The following LUZP2 variants were observed in gnomAD, a reference collection of about 807,000 sequenced individuals.
LUZP2 encodes the protein leucine zipper protein 2.
Under a neutral mutation model 51.6 loss-of-function variants are expected in LUZP2, and 52 were observed. That is an observed-to-expected ratio of 1.01 (90% confidence interval 0.81 to 1.27). The LOEUF (loss-of-function observed/expected upper bound fraction) is 1.27, where lower values mean the gene tolerates loss of function less well. Ranked by LOEUF, LUZP2 falls within the 50% of genes most tolerant of loss-of-function variation. The pLI, the probability that LUZP2 is intolerant of heterozygous loss-of-function variation, is 0.00. For synonymous variants in LUZP2, 154 were observed against 137.3 expected, an observed-to-expected ratio of 1.12 and a Z score of -0.85; for missense variants, 436 against 395.4, an observed-to-expected ratio of 1.10 and a Z score of -0.87.
intron 9 of LUZP2, among the ~76,000 whole-genome samples, chr11:25,013,892 C>T (rs966272354): frequency 6.6e-6 from 1 of 152,028 alleles, no homozygotes; most frequent in East Asian, 1.9e-4. Flanking sequence ...AATGCTATCC[C>T]TCCCCTGTCC....
chr11:24,850,836 A>G (rs1294047536), intron 5 of LUZP2, among the ~76,000 whole-genome samples: 3 of 152,136 alleles, frequency 2.0e-5, no homozygotes, highest in African/African-American at 7.2e-5. Flanking sequence ...GGTTCTTCAC[A>G]TCCCTTGTAA....
intron 1 of LUZP2, among the ~76,000 whole-genome samples, chr11:24,711,657 T>A (rs1857832980): frequency 6.6e-6 from 1 of 152,118 alleles, no homozygotes; most frequent in African/African-American, 2.4e-5. Context: ...TTAAAATTTG[T>A]AATTTGATTT....
chr11:24,725,189 A>T (rs1858429027), intron 1 of LUZP2, among the ~76,000 whole-genome samples: 1 of 152,190 alleles, frequency 6.6e-6, no homozygotes, highest in African/African-American at 2.4e-5. Context: ...GGATGAATCC[A>T]AGAAGTATCA....
At chr11:24,521,781 T>G (rs1171079743) in intron 1 of LUZP2, among the ~76,000 whole-genome samples, 2 of 152,070 alleles carry the variant, frequency 1.3e-5, no homozygotes, top group African/African-American at 4.8e-5. Context: ...TTTCCTGTTT[T>G]GAAAAAAAGT....
chr11:24,929,918 A>C (rs1854395054), intron 7 of LUZP2, among the ~76,000 whole-genome samples: 1 of 152,106 alleles, frequency 6.6e-6, no homozygotes, highest in Non-Finnish European at 1.5e-5. Flanking sequence ...CTCCAGTGTT[A>C]GGTGCTTATA....
At chr11:25,049,449 T>A in intron 9 of LUZP2, among the ~76,000 whole-genome samples, 1 of 149,998 alleles carries the variant, frequency 6.7e-6, no homozygotes, top group Admixed American at 6.6e-5. Context: ...CAGCTTTTTC[T>A]TTTCTTTTCT....
intron 1 of LUZP2, among the ~76,000 whole-genome samples, chr11:24,551,097 T>A (rs1465003200): frequency 6.6e-6 from 1 of 152,036 alleles, no homozygotes; most frequent in African/African-American, 2.4e-5. Context: ...TACATATGAG[T>A]ATACATTTAT....
At chr11:24,988,381 A>C (rs895780221) in intron 9 of LUZP2, among the ~76,000 whole-genome samples, 1 of 152,000 alleles carries the variant, frequency 6.6e-6, no homozygotes, top group East Asian at 1.9e-4. Flanking sequence ...AAGAGAGTCT[A>C]TGTCTAGATA....
At position 24,570,430 on chromosome 11, in the gene LUZP2, A is replaced by G. The variant is rs369908089; in HGVS notation, c.62+73125A>G. Among the ~76,000 whole-genome samples the G allele has an allele frequency of 3.3e-5, 5 of 152,148 alleles. No individual in the cohort carries two copies. In the East Asian group the frequency reaches 7.7e-4, roughly 24 times the overall value. On this transcript the variant is annotated intron_variant, in intron 1 of 11. Coordinates refer to ENST00000336930, the MANE Select transcript of LUZP2 (RefSeq NM_001009909.4). ...GGCATTAACCATTTATCATAGGTTT[A>G]TTTATTTATTTCCTGTAACAAAAGT... is the stretch of plus-strand genomic sequence containing the variant.
intron 1 of LUZP2, among the ~76,000 whole-genome samples, chr11:24,573,125 A>G (rs1257196867): frequency 1.3e-5 from 2 of 152,012 alleles, no homozygotes; most frequent in African/African-American, 4.8e-5. Context: ...TGTTTTTTCA[A>G]GCATGGTATT....
At chr11:24,946,920 A>G (rs569775998) in intron 7 of LUZP2, among the ~76,000 whole-genome samples, 1 of 152,106 alleles carries the variant, frequency 6.6e-6, no homozygotes, top group East Asian at 1.9e-4. Context: ...TCATATATGC[A>G]TACATATTCA....
chr11:24,886,702 A>T (rs945976656), intron 5 of LUZP2, among the ~76,000 whole-genome samples: 1 of 152,216 alleles, frequency 6.6e-6, no homozygotes, highest in African/African-American at 2.4e-5. Context: ...CTGATTCCTG[A>T]AACATTAAAA....
intron 1 of LUZP2, among the ~76,000 whole-genome samples, chr11:24,684,594 A>C (rs1395996801): frequency 6.6e-6 from 1 of 152,212 alleles, no homozygotes; most frequent in Non-Finnish European, 1.5e-5. Context: ...ATAGGAACCA[A>C]AGGAACGGTG....
At chr11:24,748,016 C>T (rs969027579) in intron 4 of LUZP2, among the ~76,000 whole-genome samples, 34 of 152,130 alleles carry the variant, frequency 2.2e-4, no homozygotes, top group African/African-American at 8.0e-4. Flanking sequence ...TTTGTTCTTC[C>T]CCTTCCTGTG....
intron 1 of LUZP2, among the ~76,000 whole-genome samples, chr11:24,504,732 A>G (rs979579896): frequency 6.6e-5 from 10 of 151,240 alleles, no homozygotes; most frequent in African/African-American, 2.2e-4. Flanking sequence ...ATTCAAAATA[A>G]ATGAAGTCCT....
chr11:24,976,008 G>A (rs1295775442), intron 7 of LUZP2, among the ~76,000 whole-genome samples: 2 of 151,940 alleles, frequency 1.3e-5, no homozygotes, highest in Non-Finnish European at 2.9e-5. Context: ...AGTTTCTGGC[G>A]AAGGCTCTTC....
At chr11:24,780,352 AGC>A (rs1367471317) in intron 5 of LUZP2, among the ~76,000 whole-genome samples, 2 of 152,090 alleles carry the variant, frequency 1.3e-5, no homozygotes, top group Non-Finnish European at 2.9e-5. Context: ...CTGAGTCCTG[AGC>A]ACCATATTAA....
chr11:24,687,710 A>T (rs964737240), intron 1 of LUZP2, among the ~76,000 whole-genome samples: 1 of 152,144 alleles, frequency 6.6e-6, no homozygotes, highest in South Asian at 2.1e-4. Flanking sequence ...TCCTGGCATC[A>T]TTGACTTCCT....
chr11:24,949,040 CAA>C (rs1854991916), intron 7 of LUZP2, among the ~76,000 whole-genome samples: 1 of 151,428 alleles, frequency 6.6e-6, no homozygotes, highest in East Asian at 1.9e-4. Context: ...AAAAGAAAAA[CAA>C]AACCTCAAAA....
Sources: gnomAD v4.1 joint callset for allele counts (sites outside exome capture counted in the v4.1 genomes callset) on GRCh38, gnomAD v4.1.1 for gene constraint, MANE v1.5 for transcripts, NCBI Gene and HGNC (gene_info 2026-07-23, HGNC 2026-07-21) for gene names.